Variants in SHTN1 observed in about 807,000 individuals in gnomAD.
The protein encoded by SHTN1 is shootin 1.
Under a neutral mutation model 83.1 loss-of-function variants are expected in SHTN1, and 42 were observed. The ratio of observed to expected loss-of-function variants is 0.51; its 90% CI spans 0.39 to 0.65. SHTN1 has a LOEUF of 0.65. Ranked by LOEUF, SHTN1 falls within the 30% of genes least tolerant of loss-of-function variation. The probability of loss-of-function intolerance (pLI) is 0.00; values close to 1 mark genes in which losing one functional copy is unlikely to be tolerated. For missense variants in SHTN1, 622 were observed against 737.8 expected (o/e 0.84, Z 1.82); for synonymous variants, 224 against 247.7 (o/e 0.90, Z 0.90).
intron 1 of SHTN1, among the ~76,000 whole-genome samples, chr10:117,069,717 A>C (rs1853053705): frequency 1.3e-5 from 2 of 152,162 alleles, no homozygotes; most frequent in Non-Finnish European, 2.9e-5. Flanking sequence ...TATCTTCACT[A>C]GTGTAGAGGA....
intron 11 of SHTN1, among the ~76,000 whole-genome samples, chr10:116,926,322 A>G (rs1303038567): frequency 3.3e-5 from 5 of 152,214 alleles, no homozygotes; most frequent in Non-Finnish European, 7.3e-5. Flanking sequence ...GACCTTTCTT[A>G]TCAGCTCAAA....
At chr10:117,095,648 A>G (rs929547827) in intron 1 of SHTN1, among the ~76,000 whole-genome samples, 1 of 152,190 alleles carries the variant, frequency 6.6e-6, no homozygotes, top group African/African-American at 2.4e-5. Flanking sequence ...AAAAATATAT[A>G]ACAGGACAGA....
chr10:117,021,425 A>G (rs1852262042), intron 2 of SHTN1, among the ~76,000 whole-genome samples: 1 of 152,152 alleles, frequency 6.6e-6, no homozygotes. Context: ...GACTGACAAC[A>G]CCATGTTGAT....
intron 1 of SHTN1, among the ~76,000 whole-genome samples, chr10:117,065,787 A>G (rs1434397667): frequency 1.5e-4 from 2 of 13,098 alleles, no homozygotes; most frequent in African/African-American, 2.6e-4. Context: ...AAAGAAAGGA[A>G]GGAAGGAAGG....
chr10:116,987,171 C>A (rs774282224), intron 1 of SHTN1, among the ~76,000 whole-genome samples: 12 of 152,166 alleles, frequency 7.9e-5, no homozygotes, highest in Non-Finnish European at 1.8e-4. Context: ...CGCCAGCCCC[C>A]ACTAGCCTTC....
chr10:116,968,732 C>T lies in SHTN1; in HGVS notation c.112-20G>A, dbSNP rs752397475. On this transcript the variant is annotated intron_variant, in intron 2 of 16. Coordinates refer to ENST00000355371, the MANE Select transcript of SHTN1 (RefSeq NM_001127211.3). The stretch of plus-strand genomic sequence containing the variant: ...GTCACACTGAAATGAGAGAAGTAAA[C>T]AAATGTTAAACTTCAATCATAAATT... 2 of 1,593,504 alleles carry T rather than the reference C, an allele frequency of 1.3e-6. No individual in the cohort carries two copies. The highest frequency in any genetic ancestry group is 4.5e-5 in the East Asian group (2 of 44,744).
chr10:117,002,625 C>T (rs764806809), intron 1 of SHTN1, among the ~76,000 whole-genome samples: 5 of 152,194 alleles, frequency 3.3e-5, no homozygotes, highest in Non-Finnish European at 5.9e-5. Flanking sequence ...ACCCAGTTAC[C>T]TGTTCTTCCA....
intron 16 of SHTN1, among the ~76,000 whole-genome samples, chr10:116,894,607 C>A (rs1847447981): frequency 6.6e-6 from 1 of 152,154 alleles, no homozygotes; most frequent in Non-Finnish European, 1.5e-5. Context: ...CACTGCAAAC[C>A]ACACTGTTGA....
intron 6 of SHTN1, among the ~76,000 whole-genome samples, 180 bp downstream of exon 6, chr10:116,951,729 A>G (rs1008959812): frequency 1.3e-5 from 2 of 152,206 alleles, no homozygotes; most frequent in African/African-American, 2.4e-5. Context: ...TGGGTACATG[A>G]ATCTTCATCA....
intron 16 of SHTN1, chr10:116,900,519 A>G: frequency 6.6e-7 from 1 of 1,518,166 alleles, no homozygotes; most frequent in Non-Finnish European, 8.8e-7. Flanking sequence ...AAGGAGTTGC[A>G]GTATTTTCTG....
chr10:117,009,444 T>C (rs189771696), upstream of SHTN1, among the ~76,000 whole-genome samples: 1 of 152,042 alleles, frequency 6.6e-6, no homozygotes, highest in Non-Finnish European at 1.5e-5. Flanking sequence ...AAGACAACAA[T>C]AGATTTAAAG....
chr10:116,973,651 TATA>T (rs1404416068), intron 2 of SHTN1, among the ~76,000 whole-genome samples: 1 of 152,174 alleles, frequency 6.6e-6, no homozygotes, highest in Non-Finnish European at 1.5e-5. Context: ...GGACACCCGA[TATA>T]ATGTGAGAAA....
At chr10:117,000,151 T>G (rs1275712522) in intron 1 of SHTN1, among the ~76,000 whole-genome samples, 2 of 152,148 alleles carry the variant, frequency 1.3e-5, no homozygotes, top group African/African-American at 4.8e-5. Context: ...AAACCAAGTT[T>G]GCACTTGAAA....
At chr10:116,911,523 C>A (rs1296885443) in intron 14 of SHTN1, 1 of 1,550,504 alleles carries the variant, frequency 6.4e-7, no homozygotes, top group East Asian at 2.4e-5. Context: ...AGCTGTGATG[C>A]CAGGATTGGA....
At chr10:116,895,554 A>C (rs1433797193) in intron 16 of SHTN1, among the ~76,000 whole-genome samples, 2 of 152,206 alleles carry the variant, frequency 1.3e-5, no homozygotes, top group African/African-American at 4.8e-5. Context: ...GAATGAGAAA[A>C]GGAAGACATG....
intron 1 of SHTN1, among the ~76,000 whole-genome samples, chr10:117,096,407 G>C (rs942277066): frequency 1.3e-5 from 2 of 152,128 alleles, no homozygotes; most frequent in African/African-American, 4.8e-5. Flanking sequence ...TTGTGCCTCA[G>C]GATCCAGCTG....
chr10:116,914,502 C>T (rs2133353059), intron 13 of SHTN1, among the ~76,000 whole-genome samples: 1 of 151,646 alleles, frequency 6.6e-6, no homozygotes, highest in East Asian at 1.9e-4. Flanking sequence ...AAAGAAAATC[C>T]TCAGAATGTG....
At chr10:116,992,268 T>C (rs1286391105) in intron 1 of SHTN1, among the ~76,000 whole-genome samples, 1 of 152,216 alleles carries the variant, frequency 6.6e-6, no homozygotes, top group Admixed American at 6.5e-5. Context: ...ATAACACAAG[T>C]TAAAGATAAT....
chr10:117,068,203 C>A (rs1853030691), intron 1 of SHTN1, among the ~76,000 whole-genome samples: 1 of 152,016 alleles, frequency 6.6e-6, no homozygotes, highest in Non-Finnish European at 1.5e-5. Flanking sequence ...ACCAGCCTGG[C>A]CATCATAGTG....
Sources: allele counts gnomAD v4.1 joint callset (sites outside exome capture counted in the v4.1 genomes callset), GRCh38; gene constraint gnomAD v4.1.1; transcripts MANE v1.5; gene names NCBI Gene and HGNC (gene_info 2026-07-23, HGNC 2026-07-21).